Variants in RASAL2 observed in about 807,000 individuals in gnomAD.
The protein encoded by RASAL2 is ras GTPase-activating protein nGAP.
In RASAL2, 58 loss-of-function variants were observed where a neutral mutation model predicts 128.9. That is an observed-to-expected ratio of 0.45 (90% confidence interval 0.36 to 0.56). The LOEUF is 0.56. Ranked by LOEUF, RASAL2 falls within the 20% of genes least tolerant of loss-of-function variation. The pLI, the probability that RASAL2 is intolerant of heterozygous loss-of-function variation, is 0.00. For missense variants in RASAL2, 1,360 were observed against 1,601.6 expected, an observed-to-expected ratio of 0.85 and a Z score of 2.57; for synonymous variants, 561 against 580.8, an observed-to-expected ratio of 0.97 and a Z score of 0.49.
At chr1:178,360,173 C>T (rs961150537) in intron 3 of RASAL2, among the ~76,000 whole-genome samples, 4 of 152,170 alleles carry the variant, frequency 2.6e-5, no homozygotes, top group African/African-American at 9.7e-5. Flanking sequence ...CCCCCAACCC[C>T]ACCATGGAGT....
intron 1 of RASAL2, among the ~76,000 whole-genome samples, chr1:178,259,122 C>CTTTTT: frequency 1.4e-5 from 1 of 70,546 alleles, no homozygotes; most frequent in Non-Finnish European, 2.6e-5. Context: ...AATGAAACTT[C>CTTTTT]TTTTTTTTTT....
rs767305302 is a variant in RASAL2, at chr1:178,445,566, C to T, written c.1531C>T (p.His511Tyr). ...VMSEVDRCGE[H>Y]DVLIFRENTI... is the part of the protein sequence containing the mutation. ...GTCTGAGGTGGATCGTTGTGGAGAG[C>T]ATGATGTCTTGATCTTCAGAGAGAA... The change falls in exon 9 of 18, where the codon CAT (histidine) becomes TAT (tyrosine). Residue 511 changes from histidine (H) to tyrosine (Y), a missense_variant. His to Tyr is a moderately conservative substitution (Grantham distance 83, BLOSUM62 2). Transcript: ENST00000367649. The T allele has an allele frequency of 1.2e-6, 2 of 1,613,712 alleles. No individual in the cohort carries two copies. The highest frequency in any genetic ancestry group is 1.3e-5 in the African/African-American group (1 of 74,890).
chr1:178,382,227 C>T (rs746515048), intron 3 of RASAL2, among the ~76,000 whole-genome samples: 2 of 152,078 alleles, frequency 1.3e-5, no homozygotes, highest in Admixed American at 6.6e-5. Context: ...AAGTTGTTTC[C>T]TGTTTTGTTC....
intron 5 of RASAL2, among the ~76,000 whole-genome samples, chr1:178,421,555 T>C (rs543202058): frequency 1.3e-5 from 2 of 148,966 alleles, no homozygotes; most frequent in South Asian, 4.3e-4. Context: ...ATAAAAAGTT[T>C]GAGAAACTTG....
chr1:178,369,809 A>T (rs1250034195), intron 3 of RASAL2, among the ~76,000 whole-genome samples: 2 of 152,222 alleles, frequency 1.3e-5, no homozygotes, highest in Non-Finnish European at 2.9e-5. Flanking sequence ...AGGCATTAAA[A>T]TTTTTTAAAA....
In RASAL2 at chr1:178,094,503, C is replaced by T. The variant is rs1365512125; in HGVS notation, c.11C>T (p.Ser4Phe). 5 of 1,556,598 alleles carry T rather than the reference C, an allele frequency of 3.2e-6. No homozygotes were observed. Among genetic ancestry groups the T allele is most frequent in the Non-Finnish European group, 4.3e-6 (5 of 1,151,786 alleles). ...CCGCCTCGGGGCACCATGGAGCTCT[C>T]TCCGTCGTCCGGAGGAGCCGCGGAG... MEL[S>F]PSSGGAAEAL... The change falls in exon 1 of 18, where the codon TCT (serine) becomes TTT (phenylalanine). Residue 4 changes from serine to phenylalanine, a missense_variant. Physicochemically the swap from Ser to Phe is radical, Grantham distance 155. This residue lies in a region of RASAL2 where 617 missense variants were observed against 714.2 expected (regional missense o/e 0.86). Transcript: ENST00000367649.
At chr1:178,149,264 T>C (rs1177222577) in intron 1 of RASAL2, among the ~76,000 whole-genome samples, 3 of 152,164 alleles carry the variant, frequency 2.0e-5, no homozygotes, top group African/African-American at 7.2e-5. Flanking sequence ...GTTTACTCTA[T>C]AAAAGGGAAT....
At chr1:178,341,413 G>C (rs897667516) in intron 3 of RASAL2, 4 of 1,419,074 alleles carry the variant, frequency 2.8e-6, no homozygotes, top group Non-Finnish European at 3.7e-6. Context: ...GTTGGGGCGA[G>C]GATTGAGTTT....
At chr1:178,346,265 C>T (rs1224011218) in intron 3 of RASAL2, among the ~76,000 whole-genome samples, 1 of 151,806 alleles carries the variant, frequency 6.6e-6, no homozygotes, top group Non-Finnish European at 1.5e-5. Flanking sequence ...AGCCAGGCAT[C>T]GTGGCATGCA....
At chr1:178,145,759 A>G (rs73049399) in intron 1 of RASAL2, among the ~76,000 whole-genome samples, 2,021 of 152,302 alleles carry the variant, frequency 0.013, 48 homozygotes, top group African/African-American at 0.045. Context: ...AACTGTGCCT[A>G]CAGGACCTTC....
intron 1 of RASAL2, among the ~76,000 whole-genome samples, chr1:178,271,916 A>G (rs1666277872): frequency 6.6e-6 from 1 of 152,142 alleles, no homozygotes; most frequent in Non-Finnish European, 1.5e-5. Context: ...TTGAAGTAGG[A>G]CCACCGTCTT....
At chr1:178,234,798 C>A (rs1664161569) in intron 1 of RASAL2, among the ~76,000 whole-genome samples, 1 of 151,822 alleles carries the variant, frequency 6.6e-6, no homozygotes, top group South Asian at 2.1e-4. Flanking sequence ...AGGTTTAAAC[C>A]CTTTCTAAAA....
At chr1:178,193,659 A>G (rs989829114) in intron 1 of RASAL2, among the ~76,000 whole-genome samples, 3 of 151,950 alleles carry the variant, frequency 2.0e-5, no homozygotes, top group Non-Finnish European at 4.4e-5. Flanking sequence ...TTCCCTACCT[A>G]GATTTAAATG....
intron 1 of RASAL2, chr1:178,125,635 A>G (rs1435813767): frequency 1.3e-5 from 2 of 152,188 alleles, no homozygotes; most frequent in African/African-American, 4.8e-5. Flanking sequence ...AGTAGCTTAC[A>G]ATTACATTGA....
At chr1:178,277,193 A>G (rs1025982620) in intron 1 of RASAL2, among the ~76,000 whole-genome samples, 2 of 151,030 alleles carry the variant, frequency 1.3e-5, no homozygotes, top group African/African-American at 4.9e-5. Flanking sequence ...TAATTGGCCT[A>G]TTAATATGAT....
intron 3 of RASAL2, among the ~76,000 whole-genome samples, chr1:178,336,839 A>C (rs1356465699): frequency 6.6e-6 from 1 of 151,996 alleles, no homozygotes; most frequent in Non-Finnish European, 1.5e-5. Context: ...TTATTCATGA[A>C]TTTTTTTGTA....
At chr1:178,135,422 C>A (rs150019293) in intron 1 of RASAL2, among the ~76,000 whole-genome samples, 42 of 137,810 alleles carry the variant, frequency 3.0e-4, no homozygotes, top group African/African-American at 1.1e-3. Flanking sequence ...ATGGCTTTTT[C>A]AAATTAATTT....
intron 17 of RASAL2, chr1:178,470,671 T>C (rs1451346925): frequency 1.5e-6 from 2 of 1,364,122 alleles, no homozygotes; most frequent in South Asian, 2.3e-5. Context: ...GCAAGTGATA[T>C]CTCCGCTGTG....
In RASAL2 at chr1:178,451,843, G is replaced by A. The variant is rs1052820347; in HGVS notation, c.1772+128G>A. On this transcript the variant is annotated intron_variant, in intron 10 of 17. Transcript: ENST00000367649. The stretch of plus-strand genomic sequence containing the variant: ...TTTACAACCAAAGGGGAGGGTCTTG[G>A]AGAAAAATTGAAAGTTTCCCTAATA... 2.9e-5 allele frequency: 35 copies of A among 1,196,920 alleles called. No individual in the cohort carries two copies. The East Asian group carries it at 3.7e-4, about 13-fold the overall frequency. 74.1% of individuals were successfully genotyped at this position (1,196,920 alleles called of 1,614,324 possible). A position where few individuals can be genotyped will look rare whatever the true frequency, so the allele number is the denominator to read the frequency against.
Sources: gnomAD v4.1 joint callset for allele counts (sites outside exome capture counted in the v4.1 genomes callset) on GRCh38, gnomAD v4.1.1 for gene constraint, gnomAD v4.1.1 regional missense constraint, MANE v1.5 for transcripts, NCBI Gene and HGNC (gene_info 2026-07-23, HGNC 2026-07-21) for gene names.